Variants in B3GALNT2 observed in about 807,000 individuals in gnomAD.
The protein encoded by B3GALNT2 is beta-1,3-N-acetylgalactosaminyltransferase 2, also known as UDP-GalNAc:beta-1,3-N-acetylgalactosaminyltransferase 2.
Under a neutral mutation model 61.1 loss-of-function variants are expected in B3GALNT2, and 53 were observed. The ratio of observed to expected loss-of-function variants is 0.87; its 90% CI spans 0.70 to 1.09. The LOEUF is 1.09. Ranked by LOEUF, B3GALNT2 falls within the 50% of genes least tolerant of loss-of-function variation. B3GALNT2 has a pLI of 0.00. For missense variants in B3GALNT2, 544 were observed against 623.0 expected (o/e 0.87, Z 1.35); for synonymous variants, 223 against 237.4 (o/e 0.94, Z 0.56).
intron 5 of B3GALNT2, among the ~76,000 whole-genome samples, chr1:235,474,227 C>G (rs555771723): frequency 1.6e-4 from 25 of 152,180 alleles, no homozygotes; most frequent in African/African-American, 6.0e-4. Context: ...CTCTTAAGAT[C>G]CAAAACAACT....
At chr1:235,454,388 T>C in intron 9 of B3GALNT2, 73 bp from the exon 10 acceptor site, 1 of 1,370,098 alleles carries the variant, frequency 7.3e-7, no homozygotes, top group Non-Finnish European at 1.0e-6. Flanking sequence ...CTTGACTCCT[T>C]TATCATCACT....
Position 235,448,643 on chromosome 1 carries a change from C to T in B3GALNT2, c.*1563G>A, listed in dbSNP as rs778712473. On this transcript the variant is annotated 3_prime_UTR_variant, in exon 12 of 12. Coordinates refer to ENST00000366600, the MANE Select transcript of B3GALNT2 (RefSeq NM_152490.5). ...TTTATCGGATCTGTCTTAATCACATCCTTCCCCACCTTCGTTCTAATTTTA... is the reference window on the plus strand; with the variant it reads ...TTTATCGGATCTGTCTTAATCACATTCTTCCCCACCTTCGTTCTAATTTTA... 6.3e-7 allele frequency: 1 copy of T among 1,587,704 alleles called. No homozygotes were observed. The highest frequency in any genetic ancestry group is 1.1e-5 in the South Asian group (1 of 90,584).
At chr1:235,475,386 C>CT (rs1484093059) in intron 5 of B3GALNT2, among the ~76,000 whole-genome samples, 21 of 152,172 alleles carry the variant, frequency 1.4e-4, no homozygotes, top group Admixed American at 3.9e-4. Flanking sequence ...CTTCAGTGAG[C>CT]TACACAATGA....
At chr1:235,455,430 T>G in intron 9 of B3GALNT2, 129 bp downstream of exon 9, 1 of 1,018,210 alleles carries the variant, frequency 9.8e-7, no homozygotes, top group Non-Finnish European at 1.4e-6. Flanking sequence ...GAAATATATA[T>G]AAACCCAGGA....
chr1:235,473,576 G>C (rs952841891), intron 5 of B3GALNT2, among the ~76,000 whole-genome samples: 2 of 152,226 alleles, frequency 1.3e-5, no homozygotes, highest in Admixed American at 1.3e-4. Flanking sequence ...TTCAAGTGGA[G>C]AAGTTCAGGA....
rs370626403 is a variant in B3GALNT2, at chr1:235,447,317, A to C, written c.*2889T>G. ...GAAAAATATGTTTGAATACACTGTGATATTTGTAGGAACACCACACTATTG... is the reference window on the plus strand; with the variant it reads ...GAAAAATATGTTTGAATACACTGTGCTATTTGTAGGAACACCACACTATTG... On this transcript the variant is annotated 3_prime_UTR_variant, in exon 12 of 12. Coordinates refer to ENST00000366600, the MANE Select transcript of B3GALNT2 (RefSeq NM_152490.5). Among the ~76,000 whole-genome samples, 1 of 152,246 alleles carries C rather than the reference A, an allele frequency of 6.6e-6. No homozygotes were observed. Among genetic ancestry groups the C allele is most frequent in the African/African-American group, 2.4e-5 (1 of 41,474 alleles).
In B3GALNT2 at chr1:235,474,965, ATATATATATATATATATATATATTT is replaced by A. The variant is rs1319933643; in HGVS notation, c.652-4030_652-4006del. Among the ~76,000 whole-genome samples, 50 of 24,036 alleles carry A rather than the reference ATATATATATATATATATATATATTT, an allele frequency of 2.1e-3. 3 individuals are homozygous for A. Among genetic ancestry groups the A allele is most frequent in the South Asian group, 0.012 (9 of 730 alleles). The allele number at this position is 24,036 out of a possible 152,430, so 15.8% of individuals were successfully genotyped here. A position where few individuals can be genotyped will look rare whatever the true frequency, so the allele number is the denominator to read the frequency against. On this transcript the variant is annotated intron_variant, in intron 5 of 11. Transcript: ENST00000366600. ...AAATTAGAGACATATATATATATAT[ATATATATATATATATATATATATTT>A]TTTTTTTTTTTTTTTTTTTTGAGAC...
rs1191852426 is a variant in B3GALNT2 at position 235,474,967 on chromosome 1, ATATATATATATATATATATATTTTTTTT to A, written c.652-4035_652-4008del. 8.7e-4 allele frequency among the ~76,000 whole-genome samples: 22 copies of A among 25,410 alleles called. 1 individual carries two copies. The highest frequency in any genetic ancestry group is 4.9e-3 in the African/African-American group (21 of 4,268). The allele number at this position is 25,410 out of a possible 152,430, so 16.7% of individuals were successfully genotyped here. On this transcript the variant is annotated intron_variant, in intron 5 of 11. Transcript: ENST00000366600. ...ATTAGAGACATATATATATATATAT[ATATATATATATATATATATATTTTTTTT>A]TTTTTTTTTTTTTTTGAGACGGAGT...
At chr1:235,469,750 C>A (rs1032041014) in intron 6 of B3GALNT2, among the ~76,000 whole-genome samples, 25 of 150,300 alleles carry the variant, frequency 1.7e-4, no homozygotes, top group South Asian at 8.4e-4. Flanking sequence ...TTAGTAGAGA[C>A]GGGGTTTCAC....
In B3GALNT2 at chr1:235,450,097, T is replaced by A; in HGVS notation, c.*109A>T. 7.4e-7 allele frequency: 1 copy of A among 1,352,006 alleles called. No homozygotes were observed. The highest frequency in any genetic ancestry group is 1.3e-5 in the South Asian group (1 of 75,288). The allele number at this position is 1,352,006 out of a possible 1,614,324, so 83.8% of individuals were successfully genotyped here. ...CTGGGTGAAAGTGCCAGTCTGGAAC[T>A]CTCTTGAAAGACCATACAGTCTACT... On this transcript the variant is annotated 3_prime_UTR_variant, in exon 12 of 12. Coordinates refer to ENST00000366600, the MANE Select transcript of B3GALNT2 (RefSeq NM_152490.5).
intron 1 of B3GALNT2, among the ~76,000 whole-genome samples, chr1:235,501,718 A>C (rs1257046743): frequency 2.0e-5 from 3 of 152,224 alleles, no homozygotes; most frequent in Admixed American, 2.0e-4. Flanking sequence ...AGAAACTGCC[A>C]TTACTTAATG....
chr1:235,454,806 GGTTAT>G (rs1171544017), intron 9 of B3GALNT2, among the ~76,000 whole-genome samples: 1 of 152,104 alleles, frequency 6.6e-6, no homozygotes, highest in Non-Finnish European at 1.5e-5. Flanking sequence ...ATAAAAGATT[GGTTAT>G]GTTAAATTTT....
rs542616180 is a variant in B3GALNT2 at position 235,447,992 on chromosome 1, C to T, written c.*2214G>A. Among the ~76,000 whole-genome samples the T allele has an allele frequency of 2.6e-5, 4 of 152,008 alleles. No individual in the cohort carries two copies. Among genetic ancestry groups the T allele is most frequent in the South Asian group, 2.1e-4 (1 of 4,822 alleles). ...TTGGGGGGCCAGGGCGGGCGGATCA[C>T]GAGGTCAGGAGTTCAAGACCAGCCT... On this transcript the variant is annotated 3_prime_UTR_variant, in exon 12 of 12. Transcript: ENST00000366600.
At chr1:235,480,206 C>CA in intron 4 of B3GALNT2, 57 bp from the exon 5 acceptor site, 1 of 1,593,482 alleles carries the variant, frequency 6.3e-7, no homozygotes, top group African/African-American at 1.3e-5. Context: ...ATTGCATATG[C>CA]AAAAAGTTTT....
chr1:235,440,858 G>A, the B3GALNT2 span: 1 of 152,222 alleles, frequency 6.6e-6, no homozygotes, highest in Admixed American at 6.5e-5. Flanking sequence ...TTCAGGCTTT[G>A]AAGCTAAGAA....
intron 7 of B3GALNT2, among the ~76,000 whole-genome samples, chr1:235,459,300 A>G (rs920016156): frequency 2.0e-5 from 3 of 152,252 alleles, no homozygotes; most frequent in African/African-American, 4.8e-5. Flanking sequence ...CACCACAGAT[A>G]TCAATTATAA....
chr1:235,474,053 AT>A (rs1684126101), intron 5 of B3GALNT2, among the ~76,000 whole-genome samples: 1 of 152,204 alleles, frequency 6.6e-6, no homozygotes, highest in African/African-American at 2.4e-5. Context: ...TGGAACTTAA[AT>A]AACCCATCAG....
chr1:235,465,502 C>T lies in B3GALNT2; in HGVS notation c.841+134G>A. On this transcript the variant is annotated intron_variant, in intron 7 of 11. Coordinates refer to ENST00000366600, the MANE Select transcript of B3GALNT2 (RefSeq NM_152490.5). ...CTAAGAATACACTAAAACCACTGAA[C>T]CACTTTAAAAGGGTGAATTTTATCT... The T allele has an allele frequency of 2.2e-6, 3 of 1,346,754 alleles. No homozygotes were observed. In the East Asian group the frequency reaches 7.5e-5, roughly 34 times the overall value. 83.4% of individuals were successfully genotyped at this position (1,346,754 alleles called of 1,614,324 possible). A position where few individuals can be genotyped will look rare whatever the true frequency, so the allele number is the denominator to read the frequency against.
At chr1:235,458,208 C>T (rs1256517498) in intron 8 of B3GALNT2, among the ~76,000 whole-genome samples, 1 of 152,058 alleles carries the variant, frequency 6.6e-6, no homozygotes, top group East Asian at 1.9e-4. Context: ...CCAATTTTTG[C>T]CGTGTTTTTG....
Sources: gnomAD v4.1 joint callset for allele counts (sites outside exome capture counted in the v4.1 genomes callset) on GRCh38, gnomAD v4.1.1 for gene constraint, MANE v1.5 for transcripts, NCBI Gene and HGNC (gene_info 2026-07-23, HGNC 2026-07-21) for gene names.